NF1: variants seen among roughly 807,000 people sequenced by gnomAD.
NF1 encodes the protein neurofibromin 1.
Under a neutral mutation model 325.7 loss-of-function variants are expected in NF1, and 122 were observed. That is an observed-to-expected ratio of 0.37 (90% CI 0.32 to 0.44). The LOEUF (loss-of-function observed/expected upper bound fraction) is 0.44, where lower values mean the gene tolerates loss of function less well. NF1 is among the 20% of genes least tolerant of loss of function. The pLI is 1.00. For synonymous variants in NF1, 1,091 were observed against 1,186.0 expected, an observed-to-expected ratio of 0.92 and a Z score of 1.65; for missense variants, 2,140 against 3,415.4, an observed-to-expected ratio of 0.63 and a Z score of 9.31.
chr17:31,352,052 C>G (rs1429050301), intron 50 of NF1, among the ~76,000 whole-genome samples: 1 of 151,986 alleles, frequency 6.6e-6, no homozygotes, highest in Non-Finnish European at 1.5e-5. Context: ...TGGTGAGTAC[C>G]TACTATGTGC....
intron 8 of NF1, among the ~76,000 whole-genome samples, chr17:31,193,508 C>T (rs980853480): frequency 6.6e-6 from 1 of 152,044 alleles, no homozygotes; most frequent in African/African-American, 2.4e-5. Flanking sequence ...TATTGTCAAG[C>T]ATTTAAGTTA....
chr17:31,098,710 G>A (rs926663160), intron 1 of NF1, among the ~76,000 whole-genome samples: 1 of 152,156 alleles, frequency 6.6e-6, no homozygotes, highest in African/African-American at 2.4e-5. Context: ...GAGGCGGGCC[G>A]ATCATGAGGT....
intron 36 of NF1, chr17:31,295,459 A>G: frequency 1.9e-6 from 3 of 1,614,144 alleles, no homozygotes; most frequent in Non-Finnish European, 2.5e-6. Context: ...CCACACTCAG[A>G]GAGTTAATGG....
intron 5 of NF1, among the ~76,000 whole-genome samples, chr17:31,175,356 T>TC (rs1335840817): frequency 7.4e-6 from 1 of 135,460 alleles, no homozygotes; most frequent in Non-Finnish European, 1.6e-5. Context: ...TTTTTTTTTT[T>TC]TTTTTTTTTT....
chr17:31,252,796 C>T, intron 30 of NF1, 142 bp from the exon 31 acceptor site: 2 of 694,122 alleles, frequency 2.9e-6, no homozygotes, highest in Non-Finnish European at 5.0e-6. Context: ...ATTCATTCCT[C>T]AAAATTCAGT....
chr17:31,247,771 A>G (rs1357955335), intron 29 of NF1, among the ~76,000 whole-genome samples: 1 of 152,248 alleles, frequency 6.6e-6, no homozygotes, highest in Non-Finnish European at 1.5e-5. Flanking sequence ...GAGAATAGAT[A>G]AATCATGGTA....
rs756588241 is a variant in NF1, at chr17:31,181,692, G to T, written c.655-18G>T. ...TTACAAAAAATCACTGTAAAGACAT[G>T]TGGTTCTTTATTTATAGGCATTTTG... On this transcript the variant is annotated intron_variant, in intron 6 of 57. Transcript: ENST00000358273. 6.4e-7 allele frequency: 1 copy of T among 1,566,000 alleles called. No individual in the cohort carries two copies. Among genetic ancestry groups the T allele is most frequent in the Admixed American group, 1.7e-5 (1 of 59,912 alleles).
chr17:31,153,773 ATTT>A (rs529461938), intron 1 of NF1, among the ~76,000 whole-genome samples: 2 of 125,798 alleles, frequency 1.6e-5, no homozygotes, highest in Admixed American at 8.0e-5. Context: ...CCAAGCCTAG[ATTT>A]TTTTTTTTTT....
At chr17:31,295,151 G>C (rs2068435076) in intron 36 of NF1, 7 of 1,614,184 alleles carry the variant, frequency 4.3e-6, no homozygotes, top group Non-Finnish European at 5.1e-6. Context: ...GCTTTGTTGA[G>C]GCATTTCAGA....
At chr17:31,256,492 A>G (rs1462169945) in intron 31 of NF1, among the ~76,000 whole-genome samples, 1 of 152,160 alleles carries the variant, frequency 6.6e-6, no homozygotes, top group African/African-American at 2.4e-5. Context: ...CTCAGTAGCA[A>G]TGATGGTCTA....
At chr17:31,155,690 G>GTAGA (rs1567814205) in intron 1 of NF1, among the ~76,000 whole-genome samples, 1 of 152,148 alleles carries the variant, frequency 6.6e-6, no homozygotes, top group Non-Finnish European at 1.5e-5. Context: ...ATTCTATTTT[G>GTAGA]TAGATAGAGA....
In NF1 at chr17:31,249,018, C is replaced by T. The variant is rs146306756; in HGVS notation, c.4009C>T (p.Arg1337Trp). 32 of 1,613,940 alleles carry T rather than the reference C, an allele frequency of 2.0e-5. No homozygotes were observed. The highest frequency in any genetic ancestry group is 1.6e-4 in the Middle Eastern group (1 of 6,084). ...ATCAGAGAGCCTTGAGGAAAACCAG[C>T]GGAACCTCCTTCAGATGACTGAAAA... ...EPSESLEENQ[R>W]NLLQMTEKFF... Residue 1337 changes from arginine (R) to tryptophan (W), a missense_variant, in exon 30 of 58, where the codon CGG becomes TGG. Transcript: ENST00000358273.
At chr17:31,162,057 AG>A (rs1439123510) in intron 3 of NF1, among the ~76,000 whole-genome samples, 10 of 150,688 alleles carry the variant, frequency 6.6e-5, no homozygotes, top group Non-Finnish European at 1.0e-4. Context: ...AAAAAAAAAA[AG>A]AACGAAAATA....
chr17:31,186,981 G>T (rs781032425), intron 8 of NF1, among the ~76,000 whole-genome samples: 6 of 152,142 alleles, frequency 3.9e-5, no homozygotes, highest in African/African-American at 1.2e-4. Context: ...CTTCCATCAC[G>T]GAAAGGGCAG....
At chr17:31,236,992 A>G (rs1225697646) in intron 29 of NF1, among the ~76,000 whole-genome samples, 1 of 152,192 alleles carries the variant, frequency 6.6e-6, no homozygotes, top group African/African-American at 2.4e-5. Flanking sequence ...AATATTTGTT[A>G]AGTGAATGAA....
chr17:31,261,212 C>A (rs1481471773), intron 34 of NF1, among the ~76,000 whole-genome samples: 1 of 151,254 alleles, frequency 6.6e-6, no homozygotes, highest in East Asian at 1.9e-4. Context: ...AATTGTACTC[C>A]AGCCTGGGCC....
chr17:31,111,441 A>G (rs1376983883), intron 1 of NF1, among the ~76,000 whole-genome samples: 1 of 152,188 alleles, frequency 6.6e-6, no homozygotes, highest in Non-Finnish European at 1.5e-5. Context: ...AGAAAACTAC[A>G]CTTAGCATAT....
At chr17:31,247,776 A>G (rs904160426) in intron 29 of NF1, among the ~76,000 whole-genome samples, 4 of 152,262 alleles carry the variant, frequency 2.6e-5, no homozygotes, top group Admixed American at 2.0e-4. Context: ...TAGATAAATC[A>G]TGGTATACAA....
chr17:31,356,554 G>T lies in NF1; in HGVS notation c.7710G>T (p.Arg2570Ser). 6.2e-7 allele frequency: 1 copy of T among 1,613,794 alleles called. No homozygotes were observed. The highest frequency in any genetic ancestry group is 1.1e-5 in the South Asian group (1 of 91,078). ...ESGITTPPKM[R>S]RVAETDYEME... ...GGATCACAACACCCCCCAAAATGAG[G>T]AGAGTAGCAGAAACTGATTATGAAA... Residue 2570 changes from arginine to serine, a missense_variant, in exon 52 of 58, where the codon AGG becomes AGT. Transcript: ENST00000358273.
Sources: allele counts gnomAD v4.1 joint callset (sites outside exome capture counted in the v4.1 genomes callset), GRCh38; gene constraint gnomAD v4.1.1; transcripts MANE v1.5; gene names NCBI Gene and HGNC (gene_info 2026-07-23, HGNC 2026-07-21).